TSBP1: variants seen among roughly 807,000 people sequenced by gnomAD.
The protein encoded by TSBP1 is testis-expressed basic protein 1.
A neutral mutation model predicts 68.8 loss-of-function variants in TSBP1; 56 were observed. The observed-to-expected ratio is 0.81, with a 90% confidence interval of 0.66 to 1.02. TSBP1 has a LOEUF of 1.02. TSBP1 is among the 50% of genes least tolerant of loss of function. The pLI is 0.00. For missense variants in TSBP1, 502 were observed against 641.2 expected, an observed-to-expected ratio of 0.78 and a Z score of 2.34; for synonymous variants, 171 against 208.7, an observed-to-expected ratio of 0.82 and a Z score of 1.56.
At chr6:32,309,595 A>AT (rs1177851228) in intron 19 of TSBP1, among the ~76,000 whole-genome samples, 2 of 151,898 alleles carry the variant, frequency 1.3e-5, no homozygotes, top group South Asian at 4.1e-4. Context: ...TCTTTTTAAA[A>AT]TTTTTTTATT....
At position 32,325,361 on chromosome 6, in the gene TSBP1, A is replaced by G. The variant is rs572927531; in HGVS notation, c.515-1747T>C. On this transcript the variant is annotated intron_variant, in intron 16 of 22. Coordinates refer to ENST00000612031, the Ensembl canonical transcript of TSBP1. This position sits in a 1 kb window ranked among gnomAD's most constrained non-coding sequence, Gnocchi z 4.4. ...CTCCCGGACAGTGTGGTCATGAGAG[A>G]TCCAAACCCAAGCACTCCAGGGGCT... The G allele has an allele frequency of 3.9e-5, 39 of 993,372 alleles. 2 individuals carry two copies. The South Asian group carries it at 4.2e-4, about 11-fold the overall frequency. 61.5% of individuals were successfully genotyped at this position (993,372 alleles called of 1,614,324 possible).
Position 32,314,399 on chromosome 6 carries a change from A to C in TSBP1, c.580+1373T>G, listed in dbSNP as rs1766733070. Reference sequence around the variant, plus strand: ...CTTGTAATTTCTAGCTGTGAGACCAATAATCCCTTCTCCTGAACTTTGGTG... The same window carrying C: ...CTTGTAATTTCTAGCTGTGAGACCACTAATCCCTTCTCCTGAACTTTGGTG... On this transcript the variant is annotated intron_variant, in intron 19 of 22. Coordinates refer to ENST00000612031, the Ensembl canonical transcript of TSBP1. This position sits in a 1 kb window ranked among gnomAD's most constrained non-coding sequence, Gnocchi z 4.2. 6.6e-6 allele frequency among the ~76,000 whole-genome samples: 1 copy of C among 152,196 alleles called. No homozygotes were observed. Among genetic ancestry groups the C allele is most frequent in the African/African-American group, 2.4e-5 (1 of 41,442 alleles).
At position 32,316,416 on chromosome 6, in the gene TSBP1, T is replaced by TA. The variant is rs1369139678; in HGVS notation, c.560-625dup. ...TACTTATAGGTGCTGCCAGCTGACC[T>TA]AAAAAAATTAGATATCAGTGAAGAT... On this transcript the variant is annotated intron_variant, in intron 18 of 22. Coordinates refer to ENST00000612031, the Ensembl canonical transcript of TSBP1. This position sits in a 1 kb window ranked among gnomAD's most constrained non-coding sequence, Gnocchi z 4.5. 5.1e-6 allele frequency: 8 copies of TA among 1,555,000 alleles called. No individual in the cohort carries two copies. The highest frequency in any genetic ancestry group is 7.0e-6 in the Non-Finnish European group (8 of 1,148,560).
At chr6:32,366,067 T>TTCA (rs1773664571) in intron 6 of TSBP1, 100 bp downstream of exon 6, 1 of 1,512,118 alleles carries the variant, frequency 6.6e-7, no homozygotes, top group Non-Finnish European at 9.1e-7. Context: ...TGATTTCTTC[T>TTCA]TCTTTTTTAA....
At chr6:32,367,262 AG>A (rs201389681) in intron 4 of TSBP1, among the ~76,000 whole-genome samples, 5,890 of 151,514 alleles carry the variant, frequency 0.039, 336 homozygotes, top group African/African-American at 0.12. Flanking sequence ...AGAGAGAGAG[AG>A]AAAGAGAGAG....
intron 9 of TSBP1, among the ~76,000 whole-genome samples, chr6:32,342,071 T>TTGAAATCAGTTTCAATTTGA (rs1770430280): frequency 6.8e-6 from 1 of 148,146 alleles, no homozygotes; most frequent in Non-Finnish European, 1.5e-5. Context: ...TTTTTGACAA[T>TTGAAATCAGTTTCAATTTGA]CAATTGAAAT....
At chr6:32,329,640 G>A (rs9380289) in intron 16 of TSBP1, among the ~76,000 whole-genome samples, 51,155 of 151,896 alleles carry the variant, frequency 0.34, 9,670 homozygotes, top group Middle Eastern at 0.52. Flanking sequence ...ACTCCATGGC[G>A]TCAGTGACCA....
chr6:32,327,654 CT>C (rs9281739), intron 16 of TSBP1, among the ~76,000 whole-genome samples: 8 of 147,044 alleles, frequency 5.4e-5, no homozygotes, highest in South Asian at 2.1e-4. Flanking sequence ...TTTTCTTTTT[CT>C]TTTTTTTTTT....
chr6:32,330,497 C>G, intron 16 of TSBP1, 92 bp downstream of exon 17: 1 of 1,148,648 alleles, frequency 8.7e-7, no homozygotes, highest in Non-Finnish European at 1.2e-6. Flanking sequence ...GGCAGTGAGA[C>G]ACATCTAGGG....
chr6:32,355,687 A>T lies in TSBP1; in HGVS notation c.218-18T>A. The T allele has an allele frequency of 6.3e-7, 1 of 1,584,186 alleles. No homozygotes were observed. The highest frequency in any genetic ancestry group is 8.6e-7 in the Non-Finnish European group (1 of 1,168,140). On this transcript the variant is annotated intron_variant, in intron 6 of 22. Transcript: ENST00000612031. ...GGATCTCTCTGAAAACATAAACAAA[A>T]GAAAGAAAAATCAATTTGGATATTC...
chr6:32,357,632 G>A lies in TSBP1; in HGVS notation c.218-1963C>T, dbSNP rs74772758. On this transcript the variant is annotated intron_variant, in intron 6 of 22. Transcript: ENST00000612031. The surrounding 1 kb of genome is among the most constrained non-coding windows in gnomAD (Gnocchi z 4.7). ...AGGAGGCAAGAGATATTGGTGTTTG[G>A]GCAAGGATTGTCATGGTGGTGGAAG... Among the ~76,000 whole-genome samples the A allele has an allele frequency of 0.01, 1,545 of 152,202 alleles. 24 individuals are homozygous for A. Among genetic ancestry groups the A allele is most frequent in the African/African-American group, 0.025 (1,044 of 41,548 alleles).
At chr6:32,312,917 T>C (rs9268210) in intron 19 of TSBP1, among the ~76,000 whole-genome samples, 29,362 of 147,708 alleles carry the variant, frequency 0.2, 3,155 homozygotes, top group Non-Finnish European at 0.21. Flanking sequence ...TCACTCTCAC[T>C]CCAGTTAATC....
chr6:32,325,753 A>T lies in TSBP1; in HGVS notation c.515-2139T>A, dbSNP rs1233527844. 1.2e-4 allele frequency: 132 copies of T among 1,120,702 alleles called. 1 individual carries two copies. In the East Asian group the frequency reaches 3.0e-3, roughly 26 times the overall value. The allele number at this position is 1,120,702 out of a possible 1,614,324, so 69.4% of individuals were successfully genotyped here. ...ATGGCCACAACTGTGAAGTTAGGAA[A>T]GTCTGTCAAAGCAAGAGATGGCTAG... is the stretch of plus-strand genomic sequence containing the variant. On this transcript the variant is annotated intron_variant, in intron 16 of 22. Coordinates refer to ENST00000612031, the Ensembl canonical transcript of TSBP1. This position sits in a 1 kb window ranked among gnomAD's most constrained non-coding sequence, Gnocchi z 4.4.
chr6:32,317,042 A>T (rs2127582114), intron 18 of TSBP1, among the ~76,000 whole-genome samples: 1 of 152,282 alleles, frequency 6.6e-6, no homozygotes, highest in East Asian at 1.9e-4. Context: ...ATTTAACATG[A>T]TTAGAAAATT....
chr6:32,324,724 CT>C, intron 16 of TSBP1: 1 of 1,549,110 alleles, frequency 6.5e-7, no homozygotes, highest in South Asian at 1.2e-5. Context: ...TTTCTTGTTT[CT>C]TTTCCTACTC....
Position 32,349,609 on chromosome 6 carries a change from G to A in TSBP1, c.349+131C>T, listed in dbSNP as rs563189703. 6.4e-6 allele frequency: 4 copies of A among 626,772 alleles called. No individual in the cohort carries two copies. The South Asian group carries it at 8.1e-5, about 13-fold the overall frequency. The allele number at this position is 626,772 out of a possible 1,614,324, so 38.8% of individuals were successfully genotyped here. A position where few individuals can be genotyped will look rare whatever the true frequency, so the allele number is the denominator to read the frequency against. On this transcript the variant is annotated intron_variant, in intron 9 of 22. Transcript: ENST00000612031. ...GAAGTGTCTGGTTATGGAGAACAAA[G>A]AAATTGGAGAAATGTGAAGCTTAAG... is the stretch of plus-strand genomic sequence containing the variant.
At chr6:32,356,912 C>A (rs1302922650) in intron 6 of TSBP1, 2 of 153,942 alleles carry the variant, frequency 1.3e-5, no homozygotes, top group South Asian at 2.0e-4. Context: ...TTGGAATAAC[C>A]ATGGCAGCTT....
chr6:32,323,472 T>G, intron 17 of TSBP1, 119 bp downstream of exon 18: 1 of 946,476 alleles, frequency 1.1e-6, no homozygotes, highest in Non-Finnish European at 1.7e-6. Context: ...AACTGGAAGC[T>G]TTGAGTCAGG....
chr6:32,339,674 A>G, intron 9 of TSBP1, 36 bp from the exon 11 acceptor site: 1 of 891,908 alleles, frequency 1.1e-6, no homozygotes, highest in Non-Finnish European at 1.8e-6. Context: ...CATTATTTAG[A>G]TTTAGACTTT....
Sources: gnomAD v4.1 joint callset for allele counts (sites outside exome capture counted in the v4.1 genomes callset) on GRCh38, gnomAD v4.1.1 for gene constraint, Gnocchi (gnomAD v3.1) non-coding constraint, MANE v1.5 for transcripts, NCBI Gene and HGNC (gene_info 2026-07-23, HGNC 2026-07-21) for gene names.